The following CAST variants were observed in gnomAD, a reference collection of about 807,000 sequenced individuals.
The protein encoded by CAST is calpastatin, also known as MIR583 host.
CAST carries 76 observed loss-of-function variants against 119.6 expected under a neutral mutation model. That is an observed-to-expected ratio of 0.64 (90% CI 0.53 to 0.77). The LOEUF (loss-of-function observed/expected upper bound fraction) is 0.77, where lower values mean the gene tolerates loss of function less well. Ranked by LOEUF, CAST falls within the 30% of genes least tolerant of loss-of-function variation. The pLI is 0.00. For missense variants in CAST, 953 were observed against 946.5 expected, an observed-to-expected ratio of 1.01 and a Z score of -0.09; for synonymous variants, 319 against 331.6, an observed-to-expected ratio of 0.96 and a Z score of 0.41.
the CAST span, among the ~76,000 whole-genome samples, chr5:96,095,556 CAAAAAAA>C: frequency 0.026 from 1,467 of 57,426 alleles, 10 homozygotes; most frequent in African/African-American, 0.098. Flanking sequence ...GACTCTGTTT[CAAAAAAA>C]AAAAAAAAAA....
At chr5:96,190,518 C>G in the CAST span, among the ~76,000 whole-genome samples, 1 of 152,170 alleles carries the variant, frequency 6.6e-6, no homozygotes, top group African/African-American at 2.4e-5. Context: ...GCCTCCCATA[C>G]TCCATTTCAC....
chr5:96,429,081 T>C, the CAST span: 1 of 619,046 alleles, frequency 1.6e-6, no homozygotes, highest in Non-Finnish European at 2.9e-6. Context: ...AAATTAGAAA[T>C]AATACAGATA....
At chr5:96,030,973 A>G in the CAST span, among the ~76,000 whole-genome samples, 1 of 152,114 alleles carries the variant, frequency 6.6e-6, no homozygotes. Context: ...GTATTGTACT[A>G]TATTGCTTTG....
At chr5:96,242,462 C>G in the CAST span, among the ~76,000 whole-genome samples, 2 of 152,090 alleles carry the variant, frequency 1.3e-5, no homozygotes, top group African/African-American at 2.4e-5. Context: ...GATGATCACC[C>G]TCAGCAAATG....
the CAST span, among the ~76,000 whole-genome samples, chr5:96,507,214 C>T: frequency 2.6e-5 from 4 of 151,840 alleles, no homozygotes; most frequent in African/African-American, 7.3e-5. Flanking sequence ...GCATTCACGT[C>T]GGGGAGAAGA....
At chr5:96,690,531 C>T (rs967445084) in intron 2 of CAST, among the ~76,000 whole-genome samples, 2 of 152,114 alleles carry the variant, frequency 1.3e-5, no homozygotes, top group African/African-American at 4.8e-5. Flanking sequence ...CACCTGGCCT[C>T]AGTATGTGAA....
At chr5:96,357,925 C>A in the CAST span, among the ~76,000 whole-genome samples, 2 of 152,044 alleles carry the variant, frequency 1.3e-5, no homozygotes, top group Non-Finnish European at 2.9e-5. Flanking sequence ...CTTTTTGTAC[C>A]TCTGGTAGAA....
chr5:96,352,371 T>C, the CAST span, among the ~76,000 whole-genome samples: 1 of 152,164 alleles, frequency 6.6e-6, no homozygotes, highest in Non-Finnish European at 1.5e-5. Context: ...TTACGTTTCA[T>C]TGCTTTGTAT....
At chr5:96,072,869 G>A in the CAST span, among the ~76,000 whole-genome samples, 2,380 of 152,296 alleles carry the variant, frequency 0.016, 69 homozygotes, top group African/African-American at 0.054. Context: ...AAAGACAAGC[G>A]ATTCTAGTCA....
At chr5:96,458,802 T>C in the CAST span, among the ~76,000 whole-genome samples, 1 of 152,148 alleles carries the variant, frequency 6.6e-6, no homozygotes, top group East Asian at 1.9e-4. Context: ...TTCAATAAGC[T>C]GATAAGAGTC....
chr5:96,243,604 C>T, the CAST span, among the ~76,000 whole-genome samples: 1 of 152,064 alleles, frequency 6.6e-6, no homozygotes, highest in African/African-American at 2.4e-5. Context: ...GGAGAAGAGG[C>T]TTTTTATTTC....
At chr5:96,432,128 T>G in the CAST span, 1 of 1,535,794 alleles carries the variant, frequency 6.5e-7, no homozygotes. Flanking sequence ...CCATAGTCAG[T>G]TCGGCATCTC....
the CAST span, among the ~76,000 whole-genome samples, chr5:96,494,877 G>T: frequency 2.6e-5 from 4 of 152,134 alleles, no homozygotes; most frequent in African/African-American, 9.7e-5. Context: ...CAGCACTTTG[G>T]GAGGGCAAGG....
chr5:96,051,968 C>G, the CAST span, among the ~76,000 whole-genome samples: 1 of 151,932 alleles, frequency 6.6e-6, no homozygotes, highest in East Asian at 1.9e-4. Context: ...CATTCCAAAA[C>G]AAGAGAAGGA....
the CAST span, among the ~76,000 whole-genome samples, chr5:95,975,566 A>G: frequency 2.6e-5 from 4 of 152,346 alleles, no homozygotes; most frequent in South Asian, 6.2e-4. Flanking sequence ...TAGTACAAGT[A>G]AGTGTTGTGA....
the CAST span, among the ~76,000 whole-genome samples, chr5:96,296,528 T>G: frequency 2.0e-5 from 3 of 152,344 alleles, no homozygotes; most frequent in South Asian, 2.1e-4. Flanking sequence ...CATCCTTTTG[T>G]GTCTGGAGAA....
At chr5:96,139,098 T>C in the CAST span, among the ~76,000 whole-genome samples, 1 of 152,034 alleles carries the variant, frequency 6.6e-6, no homozygotes, top group Non-Finnish European at 1.5e-5. Flanking sequence ...GAAGTTCTCC[T>C]CTATTCCTGG....
intron 1 of CAST, among the ~76,000 whole-genome samples, chr5:96,570,591 A>G (rs964982000): frequency 6.6e-6 from 1 of 152,196 alleles, no homozygotes; most frequent in African/African-American, 2.4e-5. Context: ...CCTTTCTGTA[A>G]TGAATACAAT....
chr5:96,479,405 C>T, the CAST span, among the ~76,000 whole-genome samples: 2 of 150,754 alleles, frequency 1.3e-5, no homozygotes, highest in Non-Finnish European at 2.9e-5. Context: ...TATACTCAAT[C>T]ATTCAAAAAA....
Sources: allele counts gnomAD v4.1 joint callset (sites outside exome capture counted in the v4.1 genomes callset), GRCh38; gene constraint gnomAD v4.1.1; transcripts MANE v1.5; gene names NCBI Gene and HGNC (gene_info 2026-07-23, HGNC 2026-07-21).